Variants in ZNF385D observed in about 807,000 individuals in gnomAD.
ZNF385D encodes zinc finger protein 659.
In ZNF385D, 15 loss-of-function variants were observed where a neutral mutation model predicts 35.8. The ratio of observed to expected loss-of-function variants is 0.42; its 90% CI spans 0.28 to 0.64. The LOEUF is 0.64. ZNF385D is among the 30% of genes least tolerant of loss of function. ZNF385D has a pLI of 0.23. For synonymous variants in ZNF385D, 212 were observed against 186.8 expected (o/e 1.13, Z -1.10); for missense variants, 474 against 494.6 (o/e 0.96, Z 0.39).
chr3:21,731,835 T>C (rs796952867), intron 1 of ZNF385D, among the ~76,000 whole-genome samples: 9 of 152,214 alleles, frequency 5.9e-5, no homozygotes, highest in African/African-American at 1.7e-4. Flanking sequence ...ATTCTTTCAC[T>C]TGCTAATATG....
chr3:21,603,973 T>C (rs2064399924), intron 2 of ZNF385D, among the ~76,000 whole-genome samples: 1 of 152,144 alleles, frequency 6.6e-6, no homozygotes, highest in Non-Finnish European at 1.5e-5. Context: ...AAAGCCCCCA[T>C]ATAATTCAGT....
intron 3 of ZNF385D, among the ~76,000 whole-genome samples, chr3:21,841,002 C>G (rs1473272379): frequency 6.6e-6 from 1 of 151,920 alleles, no homozygotes; most frequent in East Asian, 1.9e-4. Context: ...CCCTGACAAA[C>G]TGAGGCTCCT....
intron 1 of ZNF385D, among the ~76,000 whole-genome samples, chr3:21,729,741 C>T (rs2125481317): frequency 6.6e-6 from 1 of 152,274 alleles, no homozygotes; most frequent in South Asian, 2.1e-4. Context: ...ACCTTAATAA[C>T]CCAGGGGGAT....
chr3:21,588,607 T>C (rs2063881994), intron 2 of ZNF385D, among the ~76,000 whole-genome samples: 1 of 152,078 alleles, frequency 6.6e-6, no homozygotes, highest in African/African-American at 2.4e-5. Context: ...ACATTAAAAA[T>C]AATTTTTAAA....
chr3:22,318,694 A>G (rs959473525), intron 2 of ZNF385D, among the ~76,000 whole-genome samples: 8 of 151,084 alleles, frequency 5.3e-5, no homozygotes, highest in African/African-American at 2.0e-4. Flanking sequence ...ATACAAGACA[A>G]GAAGAAAAAG....
chr3:21,441,482 T>C (rs1701856952), intron 4 of ZNF385D, among the ~76,000 whole-genome samples: 1 of 152,168 alleles, frequency 6.6e-6, no homozygotes, highest in Non-Finnish European at 1.5e-5. Context: ...TAAAATTTAA[T>C]TTTTTATAAA....
intron 3 of ZNF385D, among the ~76,000 whole-genome samples, chr3:22,103,208 G>C (rs1291362496): frequency 1.5e-5 from 1 of 68,550 alleles, no homozygotes; most frequent in East Asian, 2.7e-4. Context: ...TACTAGCCCT[G>C]GGGCCATTTT....
chr3:21,984,931 G>T (rs1694721703), intron 3 of ZNF385D, among the ~76,000 whole-genome samples: 1 of 148,482 alleles, frequency 6.7e-6, no homozygotes, highest in African/African-American at 2.4e-5. Context: ...TGAAGCAATT[G>T]TGAATGGGAG....
intron 3 of ZNF385D, among the ~76,000 whole-genome samples, chr3:21,889,585 T>C (rs1366720510): frequency 6.6e-6 from 1 of 152,148 alleles, no homozygotes; most frequent in Non-Finnish European, 1.5e-5. Flanking sequence ...GCCCCTTAAC[T>C]TTCTTCAGAA....
intron 3 of ZNF385D, among the ~76,000 whole-genome samples, chr3:21,854,204 C>T (rs2125816501): frequency 6.6e-6 from 1 of 152,014 alleles, no homozygotes; most frequent in South Asian, 2.1e-4. Context: ...TGGGCCGCTC[C>T]ATTCATCCTT....
intron 4 of ZNF385D, among the ~76,000 whole-genome samples, chr3:21,492,296 T>G (rs1705479365): frequency 6.6e-6 from 1 of 151,484 alleles, no homozygotes; most frequent in Non-Finnish European, 1.5e-5. Flanking sequence ...AACCAATTAT[T>G]AAAAACCAAT....
chr3:21,575,138 A>G (rs1011150022), intron 2 of ZNF385D, among the ~76,000 whole-genome samples: 3 of 152,324 alleles, frequency 2.0e-5, no homozygotes, highest in East Asian at 1.9e-4. Context: ...AAAAATGCCA[A>G]TCATTCAGTG....
intron 1 of ZNF385D, among the ~76,000 whole-genome samples, chr3:21,698,007 A>G (rs777762995): frequency 6.6e-6 from 1 of 152,206 alleles, no homozygotes; most frequent in South Asian, 2.1e-4. Context: ...GGGAATGTAA[A>G]TTAGTGCAAC....
intron 3 of ZNF385D, among the ~76,000 whole-genome samples, chr3:21,916,869 A>G (rs753523192): frequency 1.3e-5 from 2 of 152,190 alleles, no homozygotes; most frequent in Non-Finnish European, 2.9e-5. Context: ...TTAGATCTCA[A>G]TTAACATTGA....
At chr3:22,030,019 C>G (rs993476971) in intron 3 of ZNF385D, among the ~76,000 whole-genome samples, 17 of 151,428 alleles carry the variant, frequency 1.1e-4, no homozygotes, top group Non-Finnish European at 1.9e-4. Context: ...ATCTGGTGGG[C>G]ACAGCCTAAT....
chr3:21,653,090 T>A (rs1485392919), intron 2 of ZNF385D, among the ~76,000 whole-genome samples: 1 of 152,166 alleles, frequency 6.6e-6, no homozygotes, highest in African/African-American at 2.4e-5. Flanking sequence ...TCTCTCCTGC[T>A]TTCTCTTTCT....
In ZNF385D at chr3:21,437,125, A is replaced by G; in HGVS notation, c.518T>C (p.Ile173Thr). The change falls in exon 5 of 8, where the codon ATC becomes ACC. Residue 173 changes from isoleucine (I) to threonine (T), a missense_variant. Coordinates refer to ENST00000281523, the MANE Select transcript of ZNF385D (RefSeq NM_024697.3). ...IRKSSVMTTE[I>T]TSKVEKSPTT... The stretch of plus-strand genomic sequence containing the variant: ...TGGGCTTTTTTCCACTTTAGAGGTG[A>G]TCTCAGTTGTCATAACACTGCTTTT... 1 of 1,613,900 alleles carries G rather than the reference A, an allele frequency of 6.2e-7. No individual in the cohort carries two copies. The highest frequency in any genetic ancestry group is 1.3e-5 in the African/African-American group (1 of 74,996).
At chr3:21,537,110 G>T (rs987606810) in intron 3 of ZNF385D, among the ~76,000 whole-genome samples, 2 of 142,240 alleles carry the variant, frequency 1.4e-5, no homozygotes, top group Non-Finnish European at 3.0e-5. Flanking sequence ...AATTCATGGT[G>T]AACAAAATAT....
rs912184865 is a variant in ZNF385D, at chr3:21,745,131, C to T, written c.22+5764G>A. Among the ~76,000 whole-genome samples, 8 of 152,186 alleles carry T rather than the reference C, an allele frequency of 5.3e-5. 1 individual carries two copies. In the South Asian group the frequency reaches 1.7e-3, roughly 32 times the overall value. On this transcript the variant is annotated intron_variant, in intron 1 of 7. Transcript: ENST00000281523. ...AGCCTACCAACCCCATTCCTGCCCC[C>T]ATAGCACCCATCTTCCTGTGGGGCA...
Sources: allele counts gnomAD v4.1 joint callset (sites outside exome capture counted in the v4.1 genomes callset), GRCh38; gene constraint gnomAD v4.1.1; transcripts MANE v1.5; gene names NCBI Gene and HGNC (gene_info 2026-07-23, HGNC 2026-07-21).